Variants in CAPN2 observed in about 807,000 individuals in gnomAD.
CAPN2 encodes calpain 2.
CAPN2 carries 92 observed loss-of-function variants against 102.3 expected under a neutral mutation model. The ratio of observed to expected loss-of-function variants is 0.90; its 90% CI spans 0.76 to 1.07. The LOEUF (loss-of-function observed/expected upper bound fraction) is 1.07, where lower values mean the gene tolerates loss of function less well. Among genes scored for constraint, CAPN2 ranks in the 50% least tolerant of loss-of-function variants. The pLI, the probability that CAPN2 is intolerant of heterozygous loss-of-function variation, is 0.00. For synonymous variants in CAPN2, 340 were observed against 355.4 expected (o/e 0.96, Z 0.49); for missense variants, 800 against 909.4 (o/e 0.88, Z 1.55).
rs1286576731 is a variant in CAPN2, at chr1:223,727,026, C to A, written c.307+9195C>A. On this transcript the variant is annotated intron_variant, in intron 2 of 20. Coordinates refer to ENST00000295006, the MANE Select transcript of CAPN2 (RefSeq NM_001748.5). This position sits in a 1 kb window ranked among gnomAD's most constrained non-coding sequence, Gnocchi z 4.1. ...CTTCTCCTCCCTTCCAAAGCGAAGA[C>A]CCACAGCTGCCTGAAAATGTGGCTC... Among the ~76,000 whole-genome samples the A allele has an allele frequency of 2.6e-5, 4 of 152,192 alleles. No homozygotes were observed. The highest frequency in any genetic ancestry group is 5.9e-5 in the Non-Finnish European group (4 of 68,042).
Position 223,762,228 on chromosome 1 carries a change from C to CTGTT in CAPN2, c.1612_1615dup (p.Ala539ValfsTer15). 1 of 1,613,968 alleles carries CTGTT rather than the reference C, an allele frequency of 6.2e-7. No individual in the cohort carries two copies. Among genetic ancestry groups the CTGTT allele is most frequent in the Non-Finnish European group, 8.5e-7 (1 of 1,179,860 alleles). On this transcript the variant is annotated frameshift_variant, in exon 14 of 21. Coordinates refer to ENST00000295006, the MANE Select transcript of CAPN2 (RefSeq NM_001748.5). LOFTEE classifies it high-confidence loss of function. Reference sequence around the variant, plus strand: ...TGACATTGATGATGGATTCAGGAGACTGTTTGCCCAGTTGGCAGGAGAGGT... The same window carrying CTGTT: ...TGACATTGATGATGGATTCAGGAGACTGTTTGTTTGCCCAGTTGGCAGGAGAGGT...
At chr1:223,743,062 T>C (rs570360214) in intron 2 of CAPN2, among the ~76,000 whole-genome samples, 107 of 152,316 alleles carry the variant, frequency 7.0e-4, no homozygotes, top group African/African-American at 2.5e-3. Context: ...AGCTTGCTTC[T>C]AACTGCATGA....
chr1:223,772,251 GGCCCC>G lies in CAPN2; in HGVS notation c.2079+16_2079+20del. 1 of 1,612,818 alleles carries G rather than the reference GGCCCC, an allele frequency of 6.2e-7. No individual in the cohort carries two copies. The highest frequency in any genetic ancestry group is 1.1e-5 in the South Asian group (1 of 91,040). On this transcript the variant is annotated intron_variant, in intron 20 of 20. Transcript: ENST00000295006. ...TCGACCTTATCTCTGTGAGTCAGCAGGCCCCGCCTTGCTTCTAAGGGGATGGGGGA... is the reference window on the plus strand; with the variant it reads ...TCGACCTTATCTCTGTGAGTCAGCAGGCCTTGCTTCTAAGGGGATGGGGGA...
chr1:223,753,667 C>T (rs1153963), intron 9 of CAPN2, among the ~76,000 whole-genome samples: 2,005 of 152,292 alleles, frequency 0.013, 50 homozygotes, highest in African/African-American at 0.046. Flanking sequence ...AAATCCAAAA[C>T]TTTTTCAGCC....
At chr1:223,728,615 C>T (rs2102783405) in intron 2 of CAPN2, among the ~76,000 whole-genome samples, 1 of 152,284 alleles carries the variant, frequency 6.6e-6, no homozygotes, top group South Asian at 2.1e-4. Context: ...ATTGTTGCCA[C>T]CATTTTTGGA....
At chr1:223,704,692 G>A (rs1659564742) in intron 1 of CAPN2, among the ~76,000 whole-genome samples, 1 of 152,162 alleles carries the variant, frequency 6.6e-6, no homozygotes, top group Admixed American at 6.5e-5. Flanking sequence ...GCAATAAGGT[G>A]GGCCACAGCA....
At position 223,726,461 on chromosome 1, in the gene CAPN2, G is replaced by A. The variant is rs879606783; in HGVS notation, c.307+8630G>A. ...CTGCAGGGAACAGGGACACAAAAAC[G>A]ACAAAACATGCAACAGGTTATGTCC... On this transcript the variant is annotated intron_variant, in intron 2 of 20. Coordinates refer to ENST00000295006, the MANE Select transcript of CAPN2 (RefSeq NM_001748.5). This position sits in a 1 kb window ranked among gnomAD's most constrained non-coding sequence, Gnocchi z 4.4. 1.3e-4 allele frequency among the ~76,000 whole-genome samples: 20 copies of A among 152,192 alleles called. No individual in the cohort carries two copies. Among genetic ancestry groups the A allele is most frequent in the Non-Finnish European group, 2.6e-4 (18 of 68,042 alleles).
In CAPN2 at chr1:223,752,944, AG is replaced by A. The variant is rs1264860396; in HGVS notation, c.1125del (p.Asn376ThrfsTer8). 1 of 1,614,126 alleles carries A rather than the reference AG, an allele frequency of 6.2e-7. No homozygotes were observed. Among genetic ancestry groups the A allele is most frequent in the East Asian group, 2.2e-5 (1 of 44,882 alleles). On this transcript the variant is annotated frameshift_variant, in exon 9 of 21. Transcript: ENST00000295006. LOFTEE classifies it high-confidence loss of function. ...WRRGSTAGGC[R>X]NYPNTFWMNP... ...GCGGGGCTCCACCGCGGGAGGTTGC[AG>A]GAACTACCCGAGTAAGGGCTGTTGC...
In CAPN2 at chr1:223,712,854, G is replaced by A. The variant is rs750800186; in HGVS notation, c.214G>A (p.Gly72Ser). The A allele has an allele frequency of 5.8e-6, 9 of 1,549,684 alleles. No individual in the cohort carries two copies. Among genetic ancestry groups the A allele is most frequent in the Non-Finnish European group, 7.8e-6 (9 of 1,150,876 alleles). ...ELGPYSSKTR[G>S]IEWKRPTEIC... Reference sequence around the variant, plus strand: ...GGGGCCCTACTCCAGCAAAACCCGGGGCATCGAGTGGAAGCGCCCCACGGT... The same window carrying A: ...GGGGCCCTACTCCAGCAAAACCCGGAGCATCGAGTGGAAGCGCCCCACGGT... The change falls in exon 1 of 21, where the codon GGC becomes AGC. Residue 72 changes from glycine (G) to serine (S), a missense_variant. Physicochemically the swap from Gly to Ser is moderately conservative, Grantham distance 56. Transcript: ENST00000295006.
upstream of CAPN2, among the ~76,000 whole-genome samples, chr1:223,709,217 T>A (rs1377293142): frequency 6.6e-6 from 1 of 152,102 alleles, no homozygotes; most frequent in Non-Finnish European, 1.5e-5. Context: ...GAGAGAAGTC[T>A]GACCAAAGTT....
At chr1:223,743,652 G>A (rs1215443977) in intron 2 of CAPN2, among the ~76,000 whole-genome samples, 3 of 152,050 alleles carry the variant, frequency 2.0e-5, no homozygotes, top group Non-Finnish European at 4.4e-5. Flanking sequence ...CCAGGTGTAC[G>A]CCACCACACC....
intron 14 of CAPN2, among the ~76,000 whole-genome samples, 160 bp from the exon 15 acceptor site, chr1:223,763,990 T>G (rs1661248817): frequency 6.6e-6 from 1 of 152,196 alleles, no homozygotes; most frequent in Non-Finnish European, 1.5e-5. Flanking sequence ...CTACTCAAAG[T>G]GTGGTCTGGG....
chr1:223,761,880 A>G (rs1661194422), intron 13 of CAPN2: 1 of 523,966 alleles, frequency 1.9e-6, no homozygotes, highest in Non-Finnish European at 3.3e-6. Context: ...TATTCTTCTG[A>G]GTCCCCACTA....
chr1:223,710,957 C>T (rs1659713854), upstream of CAPN2, among the ~76,000 whole-genome samples: 1 of 152,178 alleles, frequency 6.6e-6, no homozygotes, highest in African/African-American at 2.4e-5. Context: ...GGGCACATGT[C>T]CTCAGGACTT....
At chr1:223,720,364 G>A (rs575601231) in intron 2 of CAPN2, among the ~76,000 whole-genome samples, 4 of 126,968 alleles carry the variant, frequency 3.2e-5, no homozygotes, top group African/African-American at 1.3e-4. Flanking sequence ...CCCCAGGGCT[G>A]GAGTGCACTG....
At position 223,750,954 on chromosome 1, in the gene CAPN2, G is replaced by A; in HGVS notation, c.878G>A (p.Trp293Ter). 1 of 1,552,272 alleles carries A rather than the reference G, an allele frequency of 6.4e-7. No individual in the cohort carries two copies. The highest frequency in any genetic ancestry group is 8.7e-7 in the Non-Finnish European group (1 of 1,147,242). Residue 293 changes from tryptophan (W) to a stop codon, truncating the protein, a stop_gained, in exon 7 of 21, where the codon TGG becomes TAG. Coordinates refer to ENST00000295006, the MANE Select transcript of CAPN2 (RefSeq NM_001748.5). LOFTEE classifies it high-confidence loss of function. ...CGAAATCCCTGGGGAGAAGTGGAGT[G>A]GACAGGGCGGTGGAATGACAAGTGA... ...RIRNPWGEVEWTGRWNDNCPS... is the reference protein window; with the variant it reads ...RIRNPWGEVE
At chr1:223,740,184 G>A (rs956709079) in intron 2 of CAPN2, among the ~76,000 whole-genome samples, 9 of 152,186 alleles carry the variant, frequency 5.9e-5, no homozygotes, top group African/African-American at 1.7e-4. Flanking sequence ...ATGGGCCGTC[G>A]AGGTGGAGTG....
chr1:223,758,948 C>T (rs1661114010), intron 11 of CAPN2: 3 of 362,066 alleles, frequency 8.3e-6, no homozygotes, highest in South Asian at 4.9e-5. Context: ...CTCACAGCCT[C>T]CCAAAGTGCT....
upstream of CAPN2, among the ~76,000 whole-genome samples, chr1:223,709,135 G>T (rs1023050405): frequency 2.0e-5 from 3 of 152,068 alleles, no homozygotes; most frequent in African/African-American, 7.2e-5. Flanking sequence ...GAAGTGACTT[G>T]GCAGGGACAC....
Sources: gnomAD v4.1 joint callset for allele counts (sites outside exome capture counted in the v4.1 genomes callset) on GRCh38, gnomAD v4.1.1 for gene constraint, Gnocchi (gnomAD v3.1) non-coding constraint, MANE v1.5 for transcripts, NCBI Gene and HGNC (gene_info 2026-07-23, HGNC 2026-07-21) for gene names.